The following WDCP variants were observed in gnomAD, a reference collection of about 807,000 sequenced individuals.
WDCP encodes the protein WD repeat and coiled-coil-containing protein.
Under a neutral mutation model 41.6 loss-of-function variants are expected in WDCP, and 19 were observed. The observed-to-expected ratio is 0.46, with a 90% CI of 0.32 to 0.67. The LOEUF (loss-of-function observed/expected upper bound fraction) is 0.67. WDCP is among the 30% of genes least tolerant of loss of function. The pLI, the probability that WDCP is intolerant of heterozygous loss-of-function variation, is 0.04. For synonymous variants in WDCP, 302 were observed against 320.8 expected (o/e 0.94, Z 0.63); for missense variants, 802 against 850.7 (o/e 0.94, Z 0.71).
At chr2:24,046,137 G>A (rs1216223724) in intron 1 of WDCP, among the ~76,000 whole-genome samples, 1 of 151,918 alleles carries the variant, frequency 6.6e-6, no homozygotes, top group African/African-American at 2.4e-5. Context: ...GGGGCAGTAG[G>A]GGAGGAACGT....
Position 24,037,792 on chromosome 2 carries a change from A to T in WDCP, c.1703T>A (p.Leu568Gln). 1 of 1,614,252 alleles carries T rather than the reference A, an allele frequency of 6.2e-7. No homozygotes were observed. The highest frequency in any genetic ancestry group is 1.1e-5 in the South Asian group (1 of 91,092). The part of the protein sequence containing the change: ...SKEVEILSRN[L>Q]VEMQRCLSEL... ...AGAAAGACACCGTTGCATTTCAACC[A>T]GGTTCCTAGATAAAATTTCCACTTC... Residue 568 changes from leucine to glutamine, a missense_variant, in exon 2 of 4, where the codon CTG becomes CAG. Around this residue, in one of 5 missense-constraint regions of WDCP, gnomAD observed 321 missense variants for 305.1 expected, o/e 1.05. Coordinates refer to ENST00000295148, the MANE Select transcript of WDCP (RefSeq NM_025203.3).
chr2:24,042,361 C>A (rs1158518912), intron 1 of WDCP, among the ~76,000 whole-genome samples: 1 of 151,866 alleles, frequency 6.6e-6, no homozygotes, highest in Non-Finnish European at 1.5e-5. Flanking sequence ...CACGGTGAAA[C>A]CCTGTCTCTA....
intron 3 of WDCP, 74 bp from the exon 4 acceptor site, chr2:24,031,236 T>G (rs1454440176): frequency 1.7e-6 from 2 of 1,156,438 alleles, no homozygotes; most frequent in Non-Finnish European, 2.5e-6. Context: ...CTACAAATTT[T>G]TTTTTCTGAG....
intron 1 of WDCP, among the ~76,000 whole-genome samples, chr2:24,042,255 T>C (rs1414171200): frequency 6.6e-6 from 1 of 150,488 alleles, no homozygotes; most frequent in East Asian, 2.0e-4. Flanking sequence ...TACAAAAAAT[T>C]GGCCGGGCGC....
At chr2:24,041,841 A>G (rs1005996362) in intron 1 of WDCP, among the ~76,000 whole-genome samples, 4 of 146,306 alleles carry the variant, frequency 2.7e-5, no homozygotes, top group African/African-American at 1.0e-4. Context: ...CTGGGCAACA[A>G]AAGTGAAACT....
rs938187466 is a variant in WDCP at position 24,042,722 on chromosome 2, A to T, written c.-18-3210T>A. On this transcript the variant is annotated intron_variant, in intron 1 of 3. Coordinates refer to ENST00000295148, the MANE Select transcript of WDCP (RefSeq NM_025203.3). Reference sequence around the variant, plus strand: ...GAAACTCTGTCTCAAAAAAAAAAAAATTTAGTATAAAAACAATTACTGGGC... The same window carrying T: ...GAAACTCTGTCTCAAAAAAAAAAAATTTTAGTATAAAAACAATTACTGGGC... Among the ~76,000 whole-genome samples, 5 of 149,748 alleles carry T rather than the reference A, an allele frequency of 3.3e-5. No individual in the cohort carries two copies. In the East Asian group the frequency reaches 9.9e-4, roughly 30 times the overall value.
At chr2:24,035,949 A>G (rs1458701624) in intron 2 of WDCP, among the ~76,000 whole-genome samples, 8 of 151,294 alleles carry the variant, frequency 5.3e-5, no homozygotes, top group Non-Finnish European at 8.9e-5. Flanking sequence ...CGTGCCTGTA[A>G]TCCCAGCTAC....
chr2:24,045,029 G>A (rs1197020997), intron 1 of WDCP, among the ~76,000 whole-genome samples: 1 of 152,100 alleles, frequency 6.6e-6, no homozygotes, highest in Non-Finnish European at 1.5e-5. Context: ...AATCTTGGGG[G>A]AACCAGCATA....
In WDCP at chr2:24,039,238, G is replaced by A; in HGVS notation, c.257C>T (p.Thr86Ile). Reference protein sequence around the residue: ...LLAVQHEKHVTVWQLCPSPME... With the variant: ...LLAVQHEKHVIVWQLCPSPME... ...AGGGCTGGGACACAGCTGCCACACA[G>A]TGACATGCTTCTCATGCTGGACAGC... is the stretch of plus-strand genomic sequence containing the variant. Residue 86 changes from threonine to isoleucine, a missense_variant, in exon 2 of 4, where the codon ACT becomes ATT. Thr to Ile is a moderately conservative substitution (Grantham distance 89, BLOSUM62 -1). Around this residue, in one of 5 missense-constraint regions of WDCP, gnomAD observed 214 missense variants for 252.9 expected, o/e 0.85. Transcript: ENST00000295148. 6.2e-7 allele frequency: 1 copy of A among 1,614,254 alleles called. No homozygotes were observed. Among genetic ancestry groups the A allele is most frequent in the Non-Finnish European group, 8.5e-7 (1 of 1,180,054 alleles).
Position 24,038,893 on chromosome 2 carries a change from T to C in WDCP, c.602A>G (p.Asp201Gly), listed in dbSNP as rs1287662919. 6.2e-7 allele frequency: 1 copy of C among 1,614,208 alleles called. No individual in the cohort carries two copies. Among genetic ancestry groups the C allele is most frequent in the Admixed American group, 1.7e-5 (1 of 60,024 alleles). Residue 201 changes from aspartate to glycine, a missense_variant, in exon 2 of 4, where the codon GAT becomes GGT. Coordinates refer to ENST00000295148, the MANE Select transcript of WDCP (RefSeq NM_025203.3). Reference sequence around the variant, plus strand: ...GATGGAGCAGACGTGGCTGTCCACATCAAACACCAGGCAGGAGGAGCACCT... The same window carrying C: ...GATGGAGCAGACGTGGCTGTCCACACCAAACACCAGGCAGGAGGAGCACCT... Reference protein sequence around the residue: ...LHRCSSCLVFDVDSHVCSITA... With the variant: ...LHRCSSCLVFGVDSHVCSITA...
chr2:24,036,065 A>AAAATAAATAAATAAATAAAT (rs546096434), intron 2 of WDCP, among the ~76,000 whole-genome samples: 39 of 140,404 alleles, frequency 2.8e-4, no homozygotes, highest in South Asian at 6.7e-4. Context: ...CTCCGTCTCA[A>AAAATAAATAAATAAATAAAT]AAATAAATAA....
chr2:24,033,250 A>G, intron 2 of WDCP: 1 of 496,908 alleles, frequency 2.0e-6, no homozygotes, highest in Non-Finnish European at 4.0e-6. Flanking sequence ...GAGAGACACA[A>G]TCTGACGGTA....
At chr2:24,039,672 C>T (rs1392841592) in intron 1 of WDCP, among the ~76,000 whole-genome samples, 160 bp from the exon 2 acceptor site, 1 of 152,178 alleles carries the variant, frequency 6.6e-6, no homozygotes, top group African/African-American at 2.4e-5. Flanking sequence ...ACTGAGCTAT[C>T]AGGCAAATGC....
chr2:24,037,275 G>C (rs10170821), intron 2 of WDCP, among the ~76,000 whole-genome samples: 18,109 of 152,144 alleles, frequency 0.12, 1,258 homozygotes, highest in South Asian at 0.18. Context: ...CACTTGCCTC[G>C]GCCTCCCAAA....
intron 2 of WDCP, 106 bp downstream of exon 2, chr2:24,037,571 T>C: frequency 7.8e-7 from 1 of 1,281,358 alleles, no homozygotes; most frequent in Non-Finnish European, 1.1e-6. Flanking sequence ...CCCAGCTTAG[T>C]GAAGCTCAGT....
chr2:24,031,234 T>G, intron 3 of WDCP, 72 bp from the exon 4 acceptor site: 8 of 1,198,958 alleles, frequency 6.7e-6, no homozygotes, highest in Non-Finnish European at 9.4e-6. Context: ...GACTACAAAT[T>G]TTTTTTTCTG....
intron 1 of WDCP, among the ~76,000 whole-genome samples, chr2:24,045,415 A>C (rs1451485407): frequency 6.6e-6 from 1 of 151,880 alleles, no homozygotes; most frequent in Non-Finnish European, 1.5e-5. Context: ...CACCCTGGCC[A>C]ACATGGTGAA....
intron 2 of WDCP, among the ~76,000 whole-genome samples, chr2:24,035,831 G>A (rs1192264734): frequency 6.6e-6 from 1 of 151,852 alleles, no homozygotes; most frequent in Admixed American, 6.6e-5. Context: ...AGCACTCTGG[G>A]AGGCCAAGGC....
chr2:24,036,220 T>C (rs1401641089), intron 2 of WDCP, among the ~76,000 whole-genome samples: 1 of 150,538 alleles, frequency 6.6e-6, no homozygotes, highest in East Asian at 2.0e-4. Context: ...AAATGTAGGG[T>C]TGGGGCCACA....
Sources: allele counts gnomAD v4.1 joint callset (sites outside exome capture counted in the v4.1 genomes callset), GRCh38; gene constraint gnomAD v4.1.1; regional missense constraint gnomAD v4.1.1; transcripts MANE v1.5; gene names NCBI Gene and HGNC (gene_info 2026-07-23, HGNC 2026-07-21).